The following LRRTM4 variants were observed in gnomAD, a reference collection of about 807,000 sequenced individuals.
The protein encoded by LRRTM4 is leucine rich repeat transmembrane neuronal 4, also known as leucine-rich repeat transmembrane neuronal protein 4.
Under a neutral mutation model 47.6 loss-of-function variants are expected in LRRTM4, and 25 were observed. The observed-to-expected ratio is 0.53, with a 90% confidence interval of 0.38 to 0.73. The LOEUF is 0.73. LRRTM4 is among the 30% of genes least tolerant of loss of function. The pLI is 0.00. For synonymous variants in LRRTM4, 311 were observed against 269.5 expected (o/e 1.15, Z -1.51); for missense variants, 638 against 713.4 (o/e 0.89, Z 1.20).
chr2:77,450,085 T>C (rs931034018), intron 3 of LRRTM4, among the ~76,000 whole-genome samples: 26 of 152,190 alleles, frequency 1.7e-4, no homozygotes, highest in African/African-American at 6.0e-4. Flanking sequence ...AACAACTATA[T>C]ATCAAATAAA....
At chr2:76,860,057 G>T (rs1281799861) in intron 3 of LRRTM4, among the ~76,000 whole-genome samples, 5 of 151,964 alleles carry the variant, frequency 3.3e-5, no homozygotes, top group African/African-American at 1.2e-4. Context: ...GAAAGGCCTG[G>T]GAATTAATTT....
intron 3 of LRRTM4, among the ~76,000 whole-genome samples, chr2:77,454,597 A>AT (rs1676445684): frequency 6.6e-6 from 1 of 152,180 alleles, no homozygotes; most frequent in South Asian, 2.1e-4. Flanking sequence ...TTCTTGGTGG[A>AT]TACTGACAAG....
intron 3 of LRRTM4, among the ~76,000 whole-genome samples, chr2:76,869,311 G>GA (rs113988123): frequency 0.063 from 9,192 of 145,102 alleles, 813 homozygotes; most frequent in African/African-American, 0.2. Flanking sequence ...TCATCTCAAA[G>GA]AAAAAAAAAA....
At chr2:76,871,051 G>A (rs1388219152) in intron 3 of LRRTM4, among the ~76,000 whole-genome samples, 1 of 152,128 alleles carries the variant, frequency 6.6e-6, no homozygotes, top group African/African-American at 2.4e-5. Context: ...GCAGTATGAT[G>A]TCTATTATAA....
At chr2:76,941,797 G>A (rs1240563599) in intron 3 of LRRTM4, among the ~76,000 whole-genome samples, 2 of 152,130 alleles carry the variant, frequency 1.3e-5, no homozygotes, top group Non-Finnish European at 2.9e-5. Context: ...CTTTAGAGTA[G>A]AATGATTTAT....
rs946499712 is a variant in LRRTM4, at chr2:76,939,439, T to A, written c.1552-190523A>T. 2.0e-5 allele frequency among the ~76,000 whole-genome samples: 3 copies of A among 152,182 alleles called. No homozygotes were observed. In the East Asian group the frequency reaches 5.8e-4, roughly 29 times the overall value. On this transcript the variant is annotated intron_variant, in intron 3 of 3. Transcript: ENST00000409884. ...TTTAAGAATTGAAAAATTACACAGA[T>A]TTTTTTGTCCACATTCCATTGGTGA...
chr2:77,200,809 C>G (rs992049466), intron 3 of LRRTM4, among the ~76,000 whole-genome samples: 1 of 152,068 alleles, frequency 6.6e-6, no homozygotes, highest in Non-Finnish European at 1.5e-5. Flanking sequence ...GACTGTTCTC[C>G]TTTACCTCAT....
chr2:77,415,030 T>C (rs899711170), intron 3 of LRRTM4, among the ~76,000 whole-genome samples: 6 of 152,210 alleles, frequency 3.9e-5, no homozygotes, highest in African/African-American at 9.6e-5. Flanking sequence ...AAAGATTAGA[T>C]GGTAGTGATT....
intron 3 of LRRTM4, among the ~76,000 whole-genome samples, chr2:77,016,873 T>C (rs903031695): frequency 1.3e-5 from 2 of 152,118 alleles, no homozygotes; most frequent in Non-Finnish European, 2.9e-5. Context: ...TGATACTTTA[T>C]TGACTTTTTT....
In LRRTM4 at chr2:77,226,299, G is replaced by T. The variant is rs150837529; in HGVS notation, c.1551+292019C>A. ...TCTGGGTAAGATGAGCACAGGTACG[G>T]TCAGAGAATCACAAAGCAAAAGTAA... On this transcript the variant is annotated intron_variant, in intron 3 of 3. Transcript: ENST00000409884. 5.1e-3 allele frequency among the ~76,000 whole-genome samples: 775 copies of T among 151,654 alleles called. 9 individuals are homozygous for T. The highest frequency in any genetic ancestry group is 0.018 in the African/African-American group (750 of 41,482).
intron 3 of LRRTM4, among the ~76,000 whole-genome samples, chr2:77,480,071 G>A (rs1227635753): frequency 6.6e-6 from 1 of 152,152 alleles, no homozygotes; most frequent in East Asian, 1.9e-4. Context: ...CAGAGCCAGA[G>A]CTCTGGGCCA....
At chr2:76,914,020 T>G (rs181238105) in intron 3 of LRRTM4, among the ~76,000 whole-genome samples, 1 of 151,800 alleles carries the variant, frequency 6.6e-6, no homozygotes, top group Admixed American at 6.6e-5. Flanking sequence ...GATATAAAAT[T>G]TAAAAGTATA....
At chr2:77,138,717 G>T (rs1333436521) in intron 3 of LRRTM4, among the ~76,000 whole-genome samples, 2 of 152,028 alleles carry the variant, frequency 1.3e-5, no homozygotes, top group African/African-American at 4.8e-5. Context: ...AAAATTGATA[G>T]ACCACTAGCA....
intron 3 of LRRTM4, among the ~76,000 whole-genome samples, chr2:76,802,970 A>T (rs545229562): frequency 6.6e-6 from 1 of 152,280 alleles, no homozygotes; most frequent in South Asian, 2.1e-4. Context: ...TTGAAAACTT[A>T]AATGTAGGAC....
At chr2:77,214,652 C>G (rs984511768) in intron 3 of LRRTM4, among the ~76,000 whole-genome samples, 43 of 150,670 alleles carry the variant, frequency 2.9e-4, no homozygotes, top group African/African-American at 1.0e-3. Flanking sequence ...TCCTTAAGTA[C>G]AATAGGAAGA....
intron 3 of LRRTM4, among the ~76,000 whole-genome samples, chr2:77,079,100 T>C (rs1012877495): frequency 6.6e-6 from 1 of 152,196 alleles, no homozygotes; most frequent in Admixed American, 6.5e-5. Flanking sequence ...TTTCAACATA[T>C]GAATTTTGGG....
intron 3 of LRRTM4, among the ~76,000 whole-genome samples, chr2:77,137,137 T>A (rs1671968711): frequency 6.6e-6 from 1 of 151,704 alleles, no homozygotes; most frequent in African/African-American, 2.4e-5. Flanking sequence ...ACCACAAAGA[T>A]ACTCCTCAAG....
intron 3 of LRRTM4, among the ~76,000 whole-genome samples, chr2:77,437,677 T>C (rs933630543): frequency 3.9e-5 from 6 of 152,144 alleles, no homozygotes; most frequent in African/African-American, 7.2e-5. Flanking sequence ...TGAATCATGT[T>C]TGATAGAAAA....
intron 3 of LRRTM4, among the ~76,000 whole-genome samples, chr2:76,797,348 G>T (rs1258024188): frequency 3.3e-5 from 5 of 151,960 alleles, no homozygotes; most frequent in Admixed American, 6.6e-5. Flanking sequence ...ACCCAGAATT[G>T]CATATCCAGC....
Sources: gnomAD v4.1 joint callset for allele counts (sites outside exome capture counted in the v4.1 genomes callset) on GRCh38, gnomAD v4.1.1 for gene constraint, MANE v1.5 for transcripts, NCBI Gene and HGNC (gene_info 2026-07-23, HGNC 2026-07-21) for gene names.